SERPINI1: variants seen among roughly 807,000 people sequenced by gnomAD.
SERPINI1 encodes the protein serpin family I member 1.
Under a neutral mutation model 41.1 loss-of-function variants are expected in SERPINI1, and 19 were observed. The observed-to-expected ratio is 0.46, with a 90% CI of 0.32 to 0.68. The LOEUF (loss-of-function observed/expected upper bound fraction) is 0.68, where lower values mean the gene tolerates loss of function less well. Among genes scored for constraint, SERPINI1 ranks in the 30% least tolerant of loss-of-function variants. SERPINI1 has a pLI of 0.03. For missense variants in SERPINI1, 460 were observed against 479.2 expected (o/e 0.96, Z 0.37); for synonymous variants, 138 against 156.6 (o/e 0.88, Z 0.89).
intron 5 of SERPINI1, among the ~76,000 whole-genome samples, chr3:167,798,044 A>T (rs1012524305): frequency 6.6e-6 from 1 of 152,152 alleles, no homozygotes; most frequent in Non-Finnish European, 1.5e-5. Flanking sequence ...AAATGCTCCA[A>T]TTCTATGAGG....
At chr3:167,782,793 T>G (rs948298093) in intron 1 of SERPINI1, among the ~76,000 whole-genome samples, 3 of 152,084 alleles carry the variant, frequency 2.0e-5, no homozygotes, top group African/African-American at 7.2e-5. Context: ...AACAGAACCT[T>G]GAGAAGTGCT....
intron 1 of SERPINI1, among the ~76,000 whole-genome samples, chr3:167,782,008 G>A (rs1727146843): frequency 6.6e-6 from 1 of 152,092 alleles, no homozygotes; most frequent in Admixed American, 6.6e-5. Flanking sequence ...GAAGAGAAAT[G>A]CAAGAATTAA....
intron 7 of SERPINI1, among the ~76,000 whole-genome samples, chr3:167,823,433 C>T (rs1319875404): frequency 6.6e-6 from 1 of 152,076 alleles, no homozygotes; most frequent in Non-Finnish European, 1.5e-5. Context: ...GAAGTTGATT[C>T]TTAATTTTGT....
Position 167,771,194 on chromosome 3 carries a change from G to T in SERPINI1, c.-18-17917G>T, listed in dbSNP as rs554302421. On this transcript the variant is annotated intron_variant, in intron 1 of 8. Transcript: ENST00000446050. The stretch of plus-strand genomic sequence containing the variant: ...CAGAATTTATCCTGTGGAGATAATT[G>T]CCCACCTGTGAAATGCTATATATCT... Among the ~76,000 whole-genome samples the T allele has an allele frequency of 2.3e-3, 349 of 152,230 alleles. 3 individuals carry two copies. The highest frequency in any genetic ancestry group is 2.5e-3 in the Non-Finnish European group (171 of 67,994).
chr3:167,816,232 A>G (rs913401443), intron 6 of SERPINI1, among the ~76,000 whole-genome samples: 11 of 151,940 alleles, frequency 7.2e-5, no homozygotes. Flanking sequence ...GGGTTTTGCC[A>G]TGTTGCCCAA....
In SERPINI1 at chr3:167,743,405, T is replaced by C. The variant is rs76258498; in HGVS notation, c.-19+7582T>C. 9.7e-3 allele frequency among the ~76,000 whole-genome samples: 1,477 copies of C among 152,252 alleles called. 32 individuals carry two copies. The East Asian group carries it at 0.098, about 10-fold the overall frequency. ...GAGGTAGGAAAGTCTGAGAAGAAAA[T>C]TGAAATTGAGAAAATGTAAATAAGT... On this transcript the variant is annotated intron_variant, in intron 1 of 8. Coordinates refer to ENST00000446050, the MANE Select transcript of SERPINI1 (RefSeq NM_001122752.2).
chr3:167,764,891 A>G (rs777099596), intron 1 of SERPINI1, among the ~76,000 whole-genome samples: 2 of 152,214 alleles, frequency 1.3e-5, no homozygotes, highest in Non-Finnish European at 2.9e-5. Context: ...CCAGCAGGGC[A>G]GTCAAATCTT....
chr3:167,738,114 A>G (rs1011688405), intron 1 of SERPINI1, among the ~76,000 whole-genome samples: 1 of 152,154 alleles, frequency 6.6e-6, no homozygotes, highest in Non-Finnish European at 1.5e-5. Flanking sequence ...CGTTCGTTAT[A>G]TGGCAGTTTA....
intron 5 of SERPINI1, among the ~76,000 whole-genome samples, chr3:167,806,212 T>C (rs1373885149): frequency 6.6e-6 from 1 of 151,606 alleles, no homozygotes; most frequent in East Asian, 1.9e-4. Flanking sequence ...CTCAGCAAAC[T>C]AACACAGGAG....
At chr3:167,815,193 C>T (rs990972851) in intron 6 of SERPINI1, among the ~76,000 whole-genome samples, 10 of 152,134 alleles carry the variant, frequency 6.6e-5, no homozygotes, top group Admixed American at 2.6e-4. Context: ...TTGTCTACTG[C>T]ATGACATCGC....
chr3:167,809,979 A>C (rs1021848098), intron 6 of SERPINI1, among the ~76,000 whole-genome samples: 1 of 152,160 alleles, frequency 6.6e-6, no homozygotes. Flanking sequence ...TGATTATTAC[A>C]TTATTAGTTT....
At chr3:167,786,439 C>T (rs1727311926) in intron 1 of SERPINI1, among the ~76,000 whole-genome samples, 2 of 136,356 alleles carry the variant, frequency 1.5e-5, no homozygotes, top group Admixed American at 1.7e-4. Flanking sequence ...ACCCGGGAGG[C>T]GGAGGTTGCA....
intron 1 of SERPINI1, among the ~76,000 whole-genome samples, chr3:167,742,081 A>T (rs1005264286): frequency 2.0e-5 from 3 of 152,102 alleles, no homozygotes; most frequent in Non-Finnish European, 4.4e-5. Flanking sequence ...TTAAAAAATA[A>T]ATAAGGAAAA....
chr3:167,750,633 C>A (rs2108534442), intron 1 of SERPINI1, among the ~76,000 whole-genome samples: 1 of 152,268 alleles, frequency 6.6e-6, no homozygotes, highest in East Asian at 1.9e-4. Flanking sequence ...ATCTTTACAT[C>A]CATACATTAT....
intron 5 of SERPINI1, chr3:167,799,961 T>G (rs1410435501): frequency 6.6e-6 from 1 of 152,168 alleles, no homozygotes; most frequent in Non-Finnish European, 1.5e-5. Context: ...AATGCTGTCT[T>G]TAAGAGGTAA....
intron 1 of SERPINI1, among the ~76,000 whole-genome samples, chr3:167,737,787 T>C (rs958708933): frequency 2.6e-5 from 4 of 152,138 alleles, no homozygotes; most frequent in African/African-American, 7.2e-5. Flanking sequence ...AATTAAGATA[T>C]ACTTTGAATC....
intron 5 of SERPINI1, among the ~76,000 whole-genome samples, chr3:167,800,720 T>C (rs1024575283): frequency 6.6e-6 from 1 of 152,246 alleles, no homozygotes; most frequent in Admixed American, 6.5e-5. Context: ...TTGAAATAAT[T>C]GCCTATTAAT....
chr3:167,780,917 C>T (rs1727101817), intron 1 of SERPINI1, among the ~76,000 whole-genome samples: 2 of 152,134 alleles, frequency 1.3e-5, no homozygotes, highest in Admixed American at 1.3e-4. Context: ...TAGGCAATGG[C>T]TCATGCACAG....
chr3:167,800,380 G>A (rs1727860960), intron 5 of SERPINI1, among the ~76,000 whole-genome samples: 1 of 152,120 alleles, frequency 6.6e-6, no homozygotes, highest in South Asian at 2.1e-4. Flanking sequence ...TACATTTTAA[G>A]TCCTGGTATT....
Sources: allele counts gnomAD v4.1 joint callset (sites outside exome capture counted in the v4.1 genomes callset), GRCh38; gene constraint gnomAD v4.1.1; transcripts MANE v1.5; gene names NCBI Gene and HGNC (gene_info 2026-07-23, HGNC 2026-07-21).